PDE9A: variants seen among roughly 807,000 people sequenced by gnomAD.
The protein encoded by PDE9A is high affinity cGMP-specific 3',5'-cyclic phosphodiesterase 9A.
PDE9A carries 60 observed loss-of-function variants against 87.4 expected under a neutral mutation model. The ratio of observed to expected loss-of-function variants is 0.69; its 90% confidence interval spans 0.56 to 0.85. The LOEUF (loss-of-function observed/expected upper bound fraction) is 0.85, where lower values mean the gene tolerates loss of function less well. Among genes scored for constraint, PDE9A ranks in the 40% least tolerant of loss-of-function variants. The pLI is 0.00. For synonymous variants in PDE9A, 272 were observed against 279.4 expected, an observed-to-expected ratio of 0.97 and a Z score of 0.27; for missense variants, 665 against 779.0, an observed-to-expected ratio of 0.85 and a Z score of 1.74.
rs908743021 is a variant in PDE9A, at chr21:42,722,120, C to T, written c.263-9650C>T. Reference sequence around the variant, plus strand: ...CCTCCCGAGTAGCTGGGATTACAGGCACGTACCACCATGCCCAGCTAATTT... The same window carrying T: ...CCTCCCGAGTAGCTGGGATTACAGGTACGTACCACCATGCCCAGCTAATTT... On this transcript the variant is annotated intron_variant, in intron 4 of 19. Coordinates refer to ENST00000291539, the MANE Select transcript of PDE9A (RefSeq NM_002606.3). This position sits in a 1 kb window ranked among gnomAD's most constrained non-coding sequence, Gnocchi z 4.1. Among the ~76,000 whole-genome samples the T allele has an allele frequency of 6.6e-6, 1 of 152,114 alleles. No homozygotes were observed. Among genetic ancestry groups the T allele is most frequent in the Middle Eastern group, 3.4e-3 (1 of 294 alleles).
chr21:42,681,848 T>G (rs2059182809), intron 1 of PDE9A, among the ~76,000 whole-genome samples: 1 of 152,248 alleles, frequency 6.6e-6, no homozygotes, highest in African/African-American at 2.4e-5. Context: ...CAACTTTTTT[T>G]GCACTATTTG....
rs2050640123 is a variant in PDE9A, at chr21:42,722,551, T to C, written c.263-9219T>C. On this transcript the variant is annotated intron_variant, in intron 4 of 19. Transcript: ENST00000291539. The surrounding 1 kb of genome is among the most constrained non-coding windows in gnomAD (Gnocchi z 4.1). ...TACTCTTGCAGGTCGGTGCTTGGGA[T>C]GCTAGTGCCCAAGCTGATGTTCCTA... 6.6e-6 allele frequency among the ~76,000 whole-genome samples: 1 copy of C among 152,178 alleles called. No individual in the cohort carries two copies. Among genetic ancestry groups the C allele is most frequent in the Non-Finnish European group, 1.5e-5 (1 of 68,038 alleles).
At chr21:42,764,841 A>AT (rs1555953696) in intron 14 of PDE9A, among the ~76,000 whole-genome samples, 25 of 152,124 alleles carry the variant, frequency 1.6e-4, no homozygotes, top group Admixed American at 3.9e-4. Flanking sequence ...CCCCCAAAAA[A>AT]ATATATATAT....
At chr21:42,755,077 G>A (rs1160494740) in intron 10 of PDE9A, among the ~76,000 whole-genome samples, 3 of 152,200 alleles carry the variant, frequency 2.0e-5, no homozygotes. Flanking sequence ...CCCAAAAAAT[G>A]AAAAAGTTCC....
At chr21:42,653,933 C>T (rs1336997328) in intron 1 of PDE9A, 50 bp downstream of exon 1, 1 of 1,159,274 alleles carries the variant, frequency 8.6e-7, no homozygotes, top group Admixed American at 2.2e-5. Context: ...GGTGACAGCG[C>T]CGGGGCCGGG....
At chr21:42,730,433 T>C (rs2051608176) in intron 4 of PDE9A, among the ~76,000 whole-genome samples, 2 of 152,236 alleles carry the variant, frequency 1.3e-5, no homozygotes, top group South Asian at 4.1e-4. Flanking sequence ...GATTAGTTTT[T>C]TTTAATTTTT....
intron 1 of PDE9A, 42 bp downstream of exon 1, chr21:42,653,925 T>C: frequency 1.6e-6 from 2 of 1,226,738 alleles, no homozygotes; most frequent in Non-Finnish European, 2.3e-6. Flanking sequence ...TCCCCCCGGG[T>C]GACAGCGCCG....
rs1054641987 is a variant in PDE9A, at chr21:42,660,760, C to A, written c.69+6877C>A. Among the ~76,000 whole-genome samples the A allele has an allele frequency of 2.6e-5, 4 of 152,150 alleles. No individual in the cohort carries two copies. The highest frequency in any genetic ancestry group is 9.7e-5 in the African/African-American group (4 of 41,430). Reference sequence around the variant, plus strand: ...GTCATGCCATGGGCACCAGGGACGCCCAGTGCACTCAGCCACCCAGGGGTG... The same window carrying A: ...GTCATGCCATGGGCACCAGGGACGCACAGTGCACTCAGCCACCCAGGGGTG... On this transcript the variant is annotated intron_variant, in intron 1 of 19. Coordinates refer to ENST00000291539, the MANE Select transcript of PDE9A (RefSeq NM_002606.3). The surrounding 1 kb of genome is among the most constrained non-coding windows in gnomAD (Gnocchi z 4.7).
At chr21:42,670,228 C>T (rs1303322846) in intron 1 of PDE9A, among the ~76,000 whole-genome samples, 3 of 150,634 alleles carry the variant, frequency 2.0e-5, no homozygotes, top group East Asian at 2.0e-4. Context: ...CACACATACA[C>T]TTACATTCAC....
At chr21:42,770,936 A>G in intron 18 of PDE9A, 138 bp downstream of exon 18, 3 of 633,130 alleles carry the variant, frequency 4.7e-6, no homozygotes, top group Non-Finnish European at 8.4e-6. Context: ...TGTACCTTCC[A>G]TCAGAAAGCC....
chr21:42,662,396 G>A (rs2057571747), intron 1 of PDE9A, among the ~76,000 whole-genome samples: 1 of 151,952 alleles, frequency 6.6e-6, no homozygotes, highest in African/African-American at 2.4e-5. Flanking sequence ...GCAGAAAGAT[G>A]CCCTCCATGC....
intron 8 of PDE9A, among the ~76,000 whole-genome samples, chr21:42,746,185 G>A (rs1348835021): frequency 6.6e-6 from 1 of 152,234 alleles, no homozygotes; most frequent in Non-Finnish European, 1.5e-5. Context: ...CGGATCACAC[G>A]CCGCTCCTGG....
At chr21:42,745,618 G>A (rs1055608858) in intron 8 of PDE9A, among the ~76,000 whole-genome samples, 3 of 152,206 alleles carry the variant, frequency 2.0e-5, no homozygotes, top group Admixed American at 6.5e-5. Context: ...CTGTGGCACC[G>A]CCCTTGGCCG....
Position 42,775,381 on chromosome 21 carries a change from G to A in PDE9A, c.*88G>A. The A allele has an allele frequency of 9.0e-7, 1 of 1,107,130 alleles. No homozygotes were observed. The highest frequency in any genetic ancestry group is 1.3e-6 in the Non-Finnish European group (1 of 766,856). The allele number at this position is 1,107,130 out of a possible 1,614,324, so 68.6% of individuals were successfully genotyped here. A position where few individuals can be genotyped will look rare whatever the true frequency, so the allele number is the denominator to read the frequency against. On this transcript the variant is annotated 3_prime_UTR_variant, in exon 20 of 20. Transcript: ENST00000291539. ...CAGGGAAGAGCTGCCCTGGGCACCT[G>A]GCACCACAAGACCATGTTTTCTAAG...
Position 42,751,100 on chromosome 21 carries a change from T to C in PDE9A, c.654-16T>C. 6.4e-7 allele frequency: 1 copy of C among 1,558,252 alleles called. No individual in the cohort carries two copies. Among genetic ancestry groups the C allele is most frequent in the East Asian group, 2.2e-5 (1 of 44,606 alleles). On this transcript the variant is annotated splice_polypyrimidine_tract_variant and intron_variant, in intron 8 of 19. Transcript: ENST00000291539. ...AAACAGCAGGACCACAGCTCATCTC[T>C]GCTCCTTCTCTCTAGGACCAACTGC...
chr21:42,767,967 G>A (rs1461275902), intron 15 of PDE9A, among the ~76,000 whole-genome samples: 1 of 152,232 alleles, frequency 6.6e-6, no homozygotes, highest in Non-Finnish European at 1.5e-5. Context: ...CTGGGCTGGG[G>A]TGGCCAGAAA....
rs564229677 is a variant in PDE9A, at chr21:42,725,103, C to T, written c.263-6667C>T. ...TCACAGCCTGGCATTGACCGTGACA[C>T]GGTCCAGATCCGGAACATGGCGTCC... On this transcript the variant is annotated intron_variant, in intron 4 of 19. Transcript: ENST00000291539. Among the ~76,000 whole-genome samples the T allele has an allele frequency of 1.7e-4, 26 of 152,324 alleles. No homozygotes were observed. The South Asian group carries it at 1.9e-3, about 11-fold the overall frequency.
At position 42,705,726 on chromosome 21, in the gene PDE9A, C is replaced by T. The variant is rs1054414060; in HGVS notation, c.262+6715C>T. 6.6e-5 allele frequency among the ~76,000 whole-genome samples: 10 copies of T among 152,200 alleles called. No individual in the cohort carries two copies. Among genetic ancestry groups the T allele is most frequent in the Non-Finnish European group, 1.3e-4 (9 of 68,042 alleles). Reference sequence around the variant, plus strand: ...CAGCAGCAGTTGAACCGTGCTGTCACACTTAACCCAAGTGATGACAGCCTC... The same window carrying T: ...CAGCAGCAGTTGAACCGTGCTGTCATACTTAACCCAAGTGATGACAGCCTC... On this transcript the variant is annotated intron_variant, in intron 4 of 19. Coordinates refer to ENST00000291539, the MANE Select transcript of PDE9A (RefSeq NM_002606.3). The surrounding 1 kb of genome is among the most constrained non-coding windows in gnomAD (Gnocchi z 4.3).
intron 7 of PDE9A, among the ~76,000 whole-genome samples, chr21:42,737,347 C>CT: frequency 6.6e-6 from 1 of 152,382 alleles, no homozygotes; most frequent in South Asian, 2.1e-4. Flanking sequence ...CACGTGTAAG[C>CT]ACCCAGGCAC....
Sources: gnomAD v4.1 joint callset for allele counts (sites outside exome capture counted in the v4.1 genomes callset) on GRCh38, gnomAD v4.1.1 for gene constraint, Gnocchi (gnomAD v3.1) non-coding constraint, MANE v1.5 for transcripts, NCBI Gene and HGNC (gene_info 2026-07-23, HGNC 2026-07-21) for gene names.